The following DPH6 variants were observed in gnomAD, a reference collection of about 807,000 sequenced individuals.
DPH6 encodes diphthamine biosynthesis 6, also known as diphthine--ammonia ligase.
Under a neutral mutation model 38.2 loss-of-function variants are expected in DPH6, and 33 were observed. The observed-to-expected ratio is 0.86, with a 90% CI of 0.65 to 1.15. The LOEUF is 1.15. DPH6 is among the 50% of genes most tolerant of loss of function. The pLI, the probability that DPH6 is intolerant of heterozygous loss-of-function variation, is 0.00. For missense variants in DPH6, 325 were observed against 320.0 expected, an observed-to-expected ratio of 1.02 and a Z score of -0.12; for synonymous variants, 108 against 103.0, an observed-to-expected ratio of 1.05 and a Z score of -0.30.
rs116833839 is a variant in DPH6, at chr15:35,394,750, A to G, written c.568-12834T>C. Among the ~76,000 whole-genome samples the G allele has an allele frequency of 7.0e-3, 1,060 of 152,312 alleles. 14 individuals are homozygous for G. The highest frequency in any genetic ancestry group is 0.024 in the African/African-American group (984 of 41,568). On this transcript the variant is annotated intron_variant, in intron 6 of 8. Coordinates refer to ENST00000256538, the MANE Select transcript of DPH6 (RefSeq NM_080650.4). ...ATGACAATAGTACCAACCTCATAGT[A>G]TAACTGCTTTCAGGAATAAAACCAC...
At chr15:35,491,250 G>T (rs1049532792) in intron 3 of DPH6, among the ~76,000 whole-genome samples, 4 of 151,706 alleles carry the variant, frequency 2.6e-5, no homozygotes, top group Admixed American at 6.6e-5. Flanking sequence ...TATACAATAA[G>T]GACAAAAAAG....
chr15:35,395,000 C>A (rs1458388936), intron 6 of DPH6, among the ~76,000 whole-genome samples: 1 of 151,888 alleles, frequency 6.6e-6, no homozygotes, highest in African/African-American at 2.4e-5. Flanking sequence ...AATTGTGCTC[C>A]ATCTGATAGG....
At chr15:35,328,918 C>A (rs1416510211), downstream of DPH6, among the ~76,000 whole-genome samples, 2 of 152,158 alleles carry the variant, frequency 1.3e-5, no homozygotes, top group African/African-American at 4.8e-5. Context: ...TGGATGGCAG[C>A]AGGCAGAGAG....
At chr15:35,389,937 C>T (rs140295105) in intron 6 of DPH6, among the ~76,000 whole-genome samples, 3,841 of 152,224 alleles carry the variant, frequency 0.025, 150 homozygotes, top group African/African-American at 0.088. Flanking sequence ...TTCCTATCCT[C>T]GATGGTCTTT....
downstream of DPH6, among the ~76,000 whole-genome samples, chr15:35,213,713 A>T (rs1412972520): frequency 6.6e-6 from 1 of 152,170 alleles, no homozygotes; most frequent in Non-Finnish European, 1.5e-5. Flanking sequence ...CATCACACAA[A>T]GATCCAAAGT....
intron 3 of DPH6, among the ~76,000 whole-genome samples, chr15:35,349,644 A>C (rs970770216): frequency 2.6e-5 from 4 of 152,140 alleles, no homozygotes; most frequent in Middle Eastern, 3.2e-3. Flanking sequence ...CATGTTGGCC[A>C]AGCTGGTCTT....
chr15:35,176,814 T>G, the DPH6 span, among the ~76,000 whole-genome samples: 1 of 152,238 alleles, frequency 6.6e-6, no homozygotes, highest in Non-Finnish European at 1.5e-5. Flanking sequence ...GATTATTTAA[T>G]AGTCTTAATT....
chr15:35,417,636 C>T (rs947977432), intron 5 of DPH6, among the ~76,000 whole-genome samples: 3 of 152,006 alleles, frequency 2.0e-5, no homozygotes, highest in African/African-American at 4.8e-5. Flanking sequence ...AAGAATGATG[C>T]TAATATACCA....
the DPH6 span, among the ~76,000 whole-genome samples, chr15:35,177,315 C>T: frequency 6.6e-6 from 1 of 151,924 alleles, no homozygotes; most frequent in Non-Finnish European, 1.5e-5. Flanking sequence ...TGGCTCCAGC[C>T]TGTAATCTCA....
intron 3 of DPH6, among the ~76,000 whole-genome samples, chr15:35,337,639 T>C (rs1210691983): frequency 6.6e-6 from 1 of 152,164 alleles, no homozygotes; most frequent in Non-Finnish European, 1.5e-5. Context: ...GCCATCCCCA[T>C]CAAGCTACCA....
chr15:35,448,505 T>C (rs567848801), intron 5 of DPH6, among the ~76,000 whole-genome samples: 4 of 152,270 alleles, frequency 2.6e-5, no homozygotes, highest in East Asian at 1.9e-4. Context: ...TACAGACATA[T>C]ATCATTTCAC....
At chr15:35,217,013 T>A (rs2051414148), downstream of DPH6, among the ~76,000 whole-genome samples, 1 of 152,214 alleles carries the variant, frequency 6.6e-6, no homozygotes, top group Non-Finnish European at 1.5e-5. Context: ...ACTGGTGTGC[T>A]AAACAAAAGT....
chr15:35,402,263 T>G (rs2053230274), intron 6 of DPH6, among the ~76,000 whole-genome samples: 1 of 152,142 alleles, frequency 6.6e-6, no homozygotes, highest in African/African-American at 2.4e-5. Flanking sequence ...GAAACCTCTG[T>G]GCAGTTCAAC....
chr15:35,429,978 A>C (rs923791328), intron 5 of DPH6, among the ~76,000 whole-genome samples: 5 of 152,158 alleles, frequency 3.3e-5, no homozygotes, highest in Non-Finnish European at 7.4e-5. Flanking sequence ...CTGTGGGGGA[A>C]AAGAACAAGA....
chr15:35,172,272 T>A, the DPH6 span, among the ~76,000 whole-genome samples: 14 of 152,218 alleles, frequency 9.2e-5, no homozygotes, highest in South Asian at 1.4e-3. Context: ...GTGGACAATC[T>A]CTGGTTATTT....
intron 3 of DPH6, among the ~76,000 whole-genome samples, chr15:35,355,666 T>C (rs867085419): frequency 6.6e-6 from 1 of 152,270 alleles, no homozygotes; most frequent in Non-Finnish European, 1.5e-5. Flanking sequence ...GTTAGTCTGA[T>C]GCACTTCCCC....
At chr15:35,505,455 G>A (rs1340242465) in intron 3 of DPH6, among the ~76,000 whole-genome samples, 1 of 151,970 alleles carries the variant, frequency 6.6e-6, no homozygotes, top group African/African-American at 2.4e-5. Flanking sequence ...GCTACAATAA[G>A]GTCAATTAAA....
downstream of DPH6, chr15:35,366,068 C>T (rs1258035119): frequency 1.0e-6 from 1 of 965,066 alleles, no homozygotes; most frequent in Non-Finnish European, 1.2e-6. Context: ...CTTTCTTTGT[C>T]CTATTTGTAA....
intron 6 of DPH6, among the ~76,000 whole-genome samples, chr15:35,390,443 A>C (rs1460807059): frequency 6.6e-6 from 1 of 152,150 alleles, no homozygotes; most frequent in East Asian, 1.9e-4. Context: ...GTGTTTTCCA[A>C]TTTGGTTCCA....
Sources: gnomAD v4.1 joint callset for allele counts (sites outside exome capture counted in the v4.1 genomes callset) on GRCh38, gnomAD v4.1.1 for gene constraint, MANE v1.5 for transcripts, NCBI Gene and HGNC (gene_info 2026-07-23, HGNC 2026-07-21) for gene names.